TMEM63C: variants seen among roughly 807,000 people sequenced by gnomAD.
TMEM63C encodes osmosensitive cation channel TMEM63C.
A neutral mutation model predicts 99.2 loss-of-function variants in TMEM63C; 32 were observed. That is an observed-to-expected ratio of 0.32 (90% CI 0.24 to 0.43). TMEM63C has a LOEUF of 0.43. Among genes scored for constraint, TMEM63C ranks in the 20% least tolerant of loss-of-function variants. TMEM63C has a pLI of 1.00. For synonymous variants in TMEM63C, 376 were observed against 397.9 expected (o/e 0.94, Z 0.66); for missense variants, 826 against 1,053.0 (o/e 0.78, Z 2.98).
chr14:77,200,773 T>C (rs1030932572), intron 1 of TMEM63C, among the ~76,000 whole-genome samples: 1 of 152,220 alleles, frequency 6.6e-6, no homozygotes, highest in African/African-American at 2.4e-5. Context: ...TTCTGCCCTG[T>C]CCTCCACATG....
chr14:77,256,438 T>TG, intron 23 of TMEM63C, 88 bp from the exon 24 acceptor site: 3 of 1,338,018 alleles, frequency 2.2e-6, no homozygotes, highest in Non-Finnish European at 2.1e-6. Context: ...ACAGAGGCGA[T>TG]GGGGGTGGGG....
At chr14:77,252,535 T>A (rs142331782) in intron 22 of TMEM63C, among the ~76,000 whole-genome samples, 95 of 152,314 alleles carry the variant, frequency 6.2e-4, no homozygotes, top group African/African-American at 2.2e-3. Flanking sequence ...TTCCAGTGGA[T>A]CACAACATAA....
chr14:77,228,903 G>C (rs1279185478), intron 6 of TMEM63C, among the ~76,000 whole-genome samples: 2 of 152,166 alleles, frequency 1.3e-5, no homozygotes, highest in Non-Finnish European at 2.9e-5. Context: ...CTGACAAGGG[G>C]GCAGGGGTGG....
chr14:77,200,894 C>T (rs1018479845), intron 1 of TMEM63C: 1 of 151,828 alleles, frequency 6.6e-6, no homozygotes, highest in Non-Finnish European at 1.5e-5. Context: ...GATGTGAGGA[C>T]ACAGGTGCTC....
chr14:77,238,816 C>T, intron 10 of TMEM63C, 49 bp downstream of exon 10: 2 of 1,488,572 alleles, frequency 1.3e-6, no homozygotes. Flanking sequence ...CTCCCCATAA[C>T]CCCGCCTGGG....
chr14:77,182,595 T>C (rs1401650556), intron 1 of TMEM63C, among the ~76,000 whole-genome samples: 1 of 152,082 alleles, frequency 6.6e-6, no homozygotes, highest in Admixed American at 6.5e-5. Context: ...CCGAATGCCC[T>C]CTGGAGGGGC....
chr14:77,210,826 A>G (rs2140103114), intron 1 of TMEM63C, among the ~76,000 whole-genome samples: 2 of 152,258 alleles, frequency 1.3e-5, no homozygotes, highest in South Asian at 4.1e-4. Context: ...GAGAAGGCTA[A>G]ATGGCAAGGG....
intron 15 of TMEM63C, 72 bp from the exon 16 acceptor site, chr14:77,244,274 GGGA>G (rs1271250432): frequency 1.8e-6 from 2 of 1,141,026 alleles, no homozygotes; most frequent in East Asian, 2.4e-5. Context: ...GGGAGTGAGT[GGGA>G]GGAGAAGAAG....
chr14:77,218,091 T>C (rs1180685063), intron 2 of TMEM63C, among the ~76,000 whole-genome samples: 1 of 152,166 alleles, frequency 6.6e-6, no homozygotes, highest in Non-Finnish European at 1.5e-5. Flanking sequence ...ATAATTGGAT[T>C]GTTTGTAACC....
At chr14:77,219,708 C>T in intron 4 of TMEM63C, 131 bp downstream of exon 4, 2 of 911,866 alleles carry the variant, frequency 2.2e-6, no homozygotes, top group Non-Finnish European at 1.7e-6. Context: ...TGCCCCTGCT[C>T]TGCCCTCCCT....
intron 1 of TMEM63C, among the ~76,000 whole-genome samples, chr14:77,205,978 G>T (rs182595407): frequency 1.1e-4 from 17 of 152,324 alleles, no homozygotes; most frequent in African/African-American, 4.1e-4. Context: ...TCTCTGGCAG[G>T]ACTGTTGGGG....
intron 5 of TMEM63C, among the ~76,000 whole-genome samples, chr14:77,222,720 C>T (rs966402889): frequency 6.6e-6 from 1 of 152,218 alleles, no homozygotes; most frequent in Non-Finnish European, 1.5e-5. Context: ...CGCAGTGGCC[C>T]TTCTCTGAGT....
intron 1 of TMEM63C, among the ~76,000 whole-genome samples, chr14:77,195,053 A>C (rs1888192886): frequency 6.6e-6 from 1 of 152,148 alleles, no homozygotes; most frequent in South Asian, 2.1e-4. Context: ...CAGGCATTGG[A>C]GACCAGTCTT....
intron 1 of TMEM63C, among the ~76,000 whole-genome samples, chr14:77,208,735 A>G (rs1052999475): frequency 2.6e-5 from 4 of 152,256 alleles, no homozygotes; most frequent in African/African-American, 9.6e-5. Flanking sequence ...GACTTGGCAC[A>G]GGGCCTGGCA....
At chr14:77,204,524 C>T (rs181480919) in intron 1 of TMEM63C, among the ~76,000 whole-genome samples, 45 of 152,272 alleles carry the variant, frequency 3.0e-4, no homozygotes, top group Admixed American at 2.9e-3. Context: ...TTCCTTTCTT[C>T]TGCAAATATT....
intron 6 of TMEM63C, among the ~76,000 whole-genome samples, chr14:77,227,188 G>A (rs1888843313): frequency 1.3e-5 from 2 of 152,186 alleles, no homozygotes; most frequent in Non-Finnish European, 2.9e-5. Context: ...GCAGAAGTAT[G>A]GAGAGTGAAT....
chr14:77,242,833 G>A, intron 14 of TMEM63C, 70 bp from the exon 15 acceptor site: 4 of 1,584,772 alleles, frequency 2.5e-6, no homozygotes, highest in South Asian at 1.1e-5. Flanking sequence ...CAGCTGGCCT[G>A]CAGCAAACAG....
Position 77,240,570 on chromosome 14 carries a change from G to A in TMEM63C, c.1026G>A (p.Leu342=), listed in dbSNP as rs949773929. The A allele has an allele frequency of 5.6e-6, 9 of 1,611,330 alleles. No individual in the cohort carries two copies. The highest frequency in any genetic ancestry group is 7.6e-6 in the Non-Finnish European group (9 of 1,179,876). ...LNRVPLKRLD[L]IFVTFQDSRM... is the part of the protein sequence containing the mutation. ...GCGTGCCGCTCAAGCGGCTGGACCT[G>A]ATCTTTGTCACCTTCCAGGACTCCA... The change falls in exon 13 of 24, where the codon CTG becomes CTA. Residue 342 remains leucine, a synonymous_variant. Coordinates refer to ENST00000298351, the MANE Select transcript of TMEM63C (RefSeq NM_020431.4).
At chr14:77,223,917 T>C (rs1888771050) in intron 5 of TMEM63C, among the ~76,000 whole-genome samples, 1 of 152,148 alleles carries the variant, frequency 6.6e-6, no homozygotes, top group Admixed American at 6.5e-5. Flanking sequence ...AGCTGAGCCA[T>C]GGAGACAGAC....
Sources: gnomAD v4.1 joint callset for allele counts (sites outside exome capture counted in the v4.1 genomes callset) on GRCh38, gnomAD v4.1.1 for gene constraint, MANE v1.5 for transcripts, NCBI Gene and HGNC (gene_info 2026-07-23, HGNC 2026-07-21) for gene names.